DNAJC24: variants seen among roughly 807,000 people sequenced by gnomAD.
The protein encoded by DNAJC24 is DnaJ heat shock protein family (Hsp40) member C24.
A neutral mutation model predicts 18.0 loss-of-function variants in DNAJC24; 17 were observed. The ratio of observed to expected loss-of-function variants is 0.94; its 90% CI spans 0.65 to 1.42. The LOEUF (loss-of-function observed/expected upper bound fraction) is 1.42, where lower values mean the gene tolerates loss of function less well. Ranked by LOEUF, DNAJC24 falls within the 40% of genes most tolerant of loss-of-function variation. DNAJC24 has a pLI of 0.00. For missense variants in DNAJC24, 158 were observed against 175.6 expected, an observed-to-expected ratio of 0.90 and a Z score of 0.57; for synonymous variants, 55 against 57.7, an observed-to-expected ratio of 0.95 and a Z score of 0.21.
chr11:31,374,746 C>T lies in DNAJC24; in HGVS notation c.111+3887C>T, dbSNP rs958279488. 1.5e-5 allele frequency among the ~76,000 whole-genome samples: 2 copies of T among 133,882 alleles called. 1 individual carries two copies. The highest frequency in any genetic ancestry group is 3.4e-5 in the Non-Finnish European group (2 of 58,008). 87.8% of individuals were successfully genotyped at this position (133,882 alleles called of 152,430 possible). A position where few individuals can be genotyped will look rare whatever the true frequency, so the allele number is the denominator to read the frequency against. On this transcript the variant is annotated intron_variant, in intron 2 of 4. Coordinates refer to ENST00000465995, the MANE Select transcript of DNAJC24 (RefSeq NM_181706.5). ...ACTCTCAAAGGTACTTAATGCCTTCCGTTCCTCAATTTCTCCTGCCTCTGT... is the reference window on the plus strand; with the variant it reads ...ACTCTCAAAGGTACTTAATGCCTTCTGTTCCTCAATTTCTCCTGCCTCTGT...
intron 2 of DNAJC24, among the ~76,000 whole-genome samples, chr11:31,411,155 A>G (rs1360242391): frequency 6.6e-6 from 1 of 152,218 alleles, no homozygotes; most frequent in African/African-American, 2.4e-5. Context: ...TCAGATTTAG[A>G]AATAGTAGGA....
rs779573925 is a variant in DNAJC24, at chr11:31,374,784, A to T, written c.111+3925A>T. Among the ~76,000 whole-genome samples, 6 of 133,612 alleles carry T rather than the reference A, an allele frequency of 4.5e-5. 1 individual carries two copies. Among genetic ancestry groups the T allele is most frequent in the African/African-American group, 7.5e-5 (3 of 39,984 alleles). The allele number at this position is 133,612 out of a possible 152,430, so 87.7% of individuals were successfully genotyped here. ...CTCCTGCCTCTGTGTGAATGAACTC[A>T]CTTCTTTGTCTCTTTCACTTTAGAC... On this transcript the variant is annotated intron_variant, in intron 2 of 4. Coordinates refer to ENST00000465995, the MANE Select transcript of DNAJC24 (RefSeq NM_181706.5).
At chr11:31,372,234 A>G (rs886800057) in intron 2 of DNAJC24, among the ~76,000 whole-genome samples, 1 of 83,572 alleles carries the variant, frequency 1.2e-5, no homozygotes, top group African/African-American at 3.0e-5. Context: ...CTGTAATTCT[A>G]TACCGACGTC....
At chr11:31,430,000 C>T (rs1253347061) in intron 4 of DNAJC24, 3 of 252,500 alleles carry the variant, frequency 1.2e-5, no homozygotes, top group Non-Finnish European at 2.2e-5. Flanking sequence ...TCATGGGTTA[C>T]TTCTGAGCAT....
intron 2 of DNAJC24, among the ~76,000 whole-genome samples, chr11:31,376,318 C>T (rs1952314947): frequency 6.6e-6 from 1 of 152,204 alleles, no homozygotes; most frequent in African/African-American, 2.4e-5. Flanking sequence ...TGGATTAATA[C>T]ACCATCTCAT....
At chr11:31,426,427 G>A in intron 4 of DNAJC24, 72 bp downstream of exon 4, 1 of 830,014 alleles carries the variant, frequency 1.2e-6, no homozygotes, top group Non-Finnish European at 1.9e-6. Flanking sequence ...AAAACTCATT[G>A]GATATTTGGA....
At chr11:31,405,403 G>T (rs1320168892) in intron 2 of DNAJC24, among the ~76,000 whole-genome samples, 5 of 149,638 alleles carry the variant, frequency 3.3e-5, no homozygotes, top group African/African-American at 1.2e-4. Flanking sequence ...TAAGGATTCG[G>T]CCTTGACCAT....
chr11:31,375,510 CT>C (rs1952304710), intron 2 of DNAJC24, among the ~76,000 whole-genome samples: 2 of 134,670 alleles, frequency 1.5e-5, no homozygotes, highest in Admixed American at 7.7e-5. Flanking sequence ...CATGTTTACA[CT>C]GTATGGGAAG....
chr11:31,401,107 G>A (rs1952596474), intron 2 of DNAJC24, among the ~76,000 whole-genome samples: 1 of 152,128 alleles, frequency 6.6e-6, no homozygotes, highest in Non-Finnish European at 1.5e-5. Context: ...ATATTTATGT[G>A]GCCAAGAAAC....
intron 2 of DNAJC24, among the ~76,000 whole-genome samples, chr11:31,376,986 A>G (rs1345208685): frequency 3.3e-5 from 5 of 152,158 alleles, no homozygotes; most frequent in African/African-American, 1.2e-4. Flanking sequence ...CAGATTTTTA[A>G]AAACAAAAAC....
At chr11:31,370,923 C>T (rs1564943867) in intron 2 of DNAJC24, 64 bp downstream of exon 2, 1 of 1,015,912 alleles carries the variant, frequency 9.8e-7, no homozygotes, top group African/African-American at 1.6e-5. Flanking sequence ...TATGAAACCA[C>T]AAATTTAGGT....
intron 3 of DNAJC24, among the ~76,000 whole-genome samples, chr11:31,420,087 A>C (rs1460182784): frequency 6.6e-6 from 1 of 151,958 alleles, no homozygotes; most frequent in South Asian, 2.1e-4. Flanking sequence ...ACACCTACCC[A>C]TTCACCTGGA....
At chr11:31,402,323 G>A (rs1202497821) in intron 2 of DNAJC24, among the ~76,000 whole-genome samples, 2 of 152,086 alleles carry the variant, frequency 1.3e-5, no homozygotes, top group Admixed American at 6.5e-5. Flanking sequence ...ACCATCAATA[G>A]AGCTTATAGG....
chr11:31,373,028 A>G (rs761975609), intron 2 of DNAJC24, among the ~76,000 whole-genome samples: 2 of 134,178 alleles, frequency 1.5e-5, no homozygotes, highest in African/African-American at 5.0e-5. Context: ...TTAATGTGAT[A>G]ATTGGCCATT....
Position 31,375,267 on chromosome 11 carries a change from C to A in DNAJC24, c.111+4408C>A, listed in dbSNP as rs1363112446. Among the ~76,000 whole-genome samples, 2 of 135,558 alleles carry A rather than the reference C, an allele frequency of 1.5e-5. 1 individual carries two copies. The highest frequency in any genetic ancestry group is 5.0e-5 in the African/African-American group (2 of 40,272). The allele number at this position is 135,558 out of a possible 152,430, so 88.9% of individuals were successfully genotyped here. On this transcript the variant is annotated intron_variant, in intron 2 of 4. Coordinates refer to ENST00000465995, the MANE Select transcript of DNAJC24 (RefSeq NM_181706.5). Reference sequence around the variant, plus strand: ...CCTTCTGTGGCCATATGCCTTTGCACTTGCACTCTGCCCATCCACTACCTC... The same window carrying A: ...CCTTCTGTGGCCATATGCCTTTGCAATTGCACTCTGCCCATCCACTACCTC...
intron 2 of DNAJC24, among the ~76,000 whole-genome samples, chr11:31,395,515 G>A (rs1432954264): frequency 6.6e-6 from 1 of 152,192 alleles, no homozygotes; most frequent in Non-Finnish European, 1.5e-5. Flanking sequence ...CCCACTAGCA[G>A]TGTATAAGCA....
chr11:31,414,082 C>G (rs1056508017), intron 2 of DNAJC24, among the ~76,000 whole-genome samples: 11 of 152,118 alleles, frequency 7.2e-5, no homozygotes, highest in African/African-American at 2.7e-4. Flanking sequence ...TGGCATAAAA[C>G]TTCTGGTTTT....
intron 3 of DNAJC24, chr11:31,417,043 T>G (rs962726591): frequency 1.8e-4 from 27 of 152,040 alleles, no homozygotes; most frequent in Non-Finnish European, 5.9e-5. Context: ...AGATAAATAG[T>G]TTGGAATTTA....
At chr11:31,397,477 A>ATT (rs3071550) in intron 2 of DNAJC24, among the ~76,000 whole-genome samples, 7 of 144,284 alleles carry the variant, frequency 4.9e-5, no homozygotes, top group East Asian at 2.1e-4. Context: ...TACCTTTGTG[A>ATT]TTTTTTTTTT....
Sources: gnomAD v4.1 joint callset for allele counts (sites outside exome capture counted in the v4.1 genomes callset) on GRCh38, gnomAD v4.1.1 for gene constraint, MANE v1.5 for transcripts, NCBI Gene and HGNC (gene_info 2026-07-23, HGNC 2026-07-21) for gene names.